DENND5B: variants seen among roughly 807,000 people sequenced by gnomAD.
DENND5B encodes DENN domain containing 5B, also known as DENN domain-containing protein 5B.
A neutral mutation model predicts 140.6 loss-of-function variants in DENND5B; 34 were observed. That is an observed-to-expected ratio of 0.24 (90% CI 0.18 to 0.32). The LOEUF (loss-of-function observed/expected upper bound fraction) is 0.32. Among genes scored for constraint, DENND5B ranks in the 10% least tolerant of loss-of-function variants. The pLI, the probability that DENND5B is intolerant of heterozygous loss-of-function variation, is 1.00. For missense variants in DENND5B, 1,142 were observed against 1,560.2 expected (o/e 0.73, Z 4.52); for synonymous variants, 551 against 562.1 (o/e 0.98, Z 0.28).
intron 2 of DENND5B, among the ~76,000 whole-genome samples, chr12:31,491,157 TTTGCAATGC>T (rs2138683519): frequency 6.6e-6 from 1 of 152,240 alleles, no homozygotes; most frequent in East Asian, 1.9e-4. Context: ...TTCAGCTCTG[TTTGCAATGC>T]TTTATTTCAT....
At chr12:31,436,669 G>C (rs1463321128) in intron 7 of DENND5B, among the ~76,000 whole-genome samples, 7 of 151,824 alleles carry the variant, frequency 4.6e-5, no homozygotes, top group African/African-American at 7.3e-5. Flanking sequence ...CAAGCAGCTG[G>C]GATTACAGGC....
chr12:31,409,205 AT>A, intron 14 of DENND5B, 57 bp downstream of exon 14: 1 of 1,477,332 alleles, frequency 6.8e-7, no homozygotes, highest in Non-Finnish European at 9.0e-7. Flanking sequence ...AAAAATATAA[AT>A]GCTTTTATTG....
chr12:31,400,037 G>C (rs1284239643), intron 15 of DENND5B, among the ~76,000 whole-genome samples: 1 of 152,252 alleles, frequency 6.6e-6, no homozygotes, highest in African/African-American at 2.4e-5. Context: ...AAAAGTGCTA[G>C]AAGAACGCTG....
intron 1 of DENND5B, among the ~76,000 whole-genome samples, chr12:31,545,394 C>T (rs1159220597): frequency 1.3e-5 from 2 of 152,078 alleles, no homozygotes; most frequent in South Asian, 2.1e-4. Flanking sequence ...TTCCTTTCTC[C>T]TCCATCTAAT....
chr12:31,427,131 T>C (rs921568608), intron 8 of DENND5B, among the ~76,000 whole-genome samples: 9 of 152,152 alleles, frequency 5.9e-5, no homozygotes, highest in African/African-American at 1.9e-4. Context: ...CCTTGCCTTG[T>C]TCTATAATCA....
intron 3 of DENND5B, among the ~76,000 whole-genome samples, chr12:31,468,046 G>A (rs1426710220): frequency 2.0e-5 from 3 of 152,062 alleles, no homozygotes; most frequent in African/African-American, 4.8e-5. Context: ...TTGAGCCCAG[G>A]AGTTCAAGAC....
intron 17 of DENND5B, among the ~76,000 whole-genome samples, chr12:31,394,436 T>C (rs1235141996): frequency 6.6e-6 from 1 of 152,178 alleles, no homozygotes; most frequent in African/African-American, 2.4e-5. Context: ...TCAGATGTTA[T>C]AATAATTAGG....
intron 1 of DENND5B, among the ~76,000 whole-genome samples, chr12:31,574,083 G>T (rs1257294562): frequency 6.6e-6 from 1 of 150,976 alleles, no homozygotes; most frequent in African/African-American, 2.4e-5. Flanking sequence ...AACACGGTGA[G>T]ATCTTGTCTC....
chr12:31,533,888 T>G (rs1948386813), intron 1 of DENND5B, among the ~76,000 whole-genome samples: 1 of 132,428 alleles, frequency 7.6e-6, no homozygotes, highest in South Asian at 2.2e-4. Flanking sequence ...CTTTTTAGTG[T>G]TTTTTTTTTT....
intron 11 of DENND5B, chr12:31,420,185 G>T: frequency 1.9e-6 from 1 of 538,066 alleles, no homozygotes; most frequent in Non-Finnish European, 2.4e-6. Flanking sequence ...AGAGTGCAGT[G>T]GTGGGATCAC....
chr12:31,476,072 G>A (rs1324777113), intron 3 of DENND5B, among the ~76,000 whole-genome samples: 1 of 151,918 alleles, frequency 6.6e-6, no homozygotes, highest in Admixed American at 6.6e-5. Context: ...GTTGCAATAT[G>A]CTGAGATTGC....
intron 1 of DENND5B, among the ~76,000 whole-genome samples, chr12:31,506,151 A>G (rs913452882): frequency 6.6e-6 from 1 of 152,194 alleles, no homozygotes; most frequent in Admixed American, 6.5e-5. Flanking sequence ...AGATTTTAGT[A>G]AGAGTACATC....
At chr12:31,488,320 T>G (rs369459246) in intron 2 of DENND5B, among the ~76,000 whole-genome samples, 4 of 152,090 alleles carry the variant, frequency 2.6e-5, no homozygotes, top group Admixed American at 1.3e-4. Context: ...TACAGAAACA[T>G]AGTGACCACC....
intron 2 of DENND5B, among the ~76,000 whole-genome samples, chr12:31,494,789 A>G (rs894313448): frequency 1.4e-4 from 21 of 152,212 alleles, no homozygotes; most frequent in Admixed American, 1.2e-3. Context: ...CTTCATTTAC[A>G]TAGAGTGTAC....
chr12:31,439,335 A>G (rs1043751171), intron 7 of DENND5B, among the ~76,000 whole-genome samples: 1 of 152,234 alleles, frequency 6.6e-6, no homozygotes, highest in Admixed American at 6.5e-5. Context: ...ATGGGAAACC[A>G]TAAGATTATA....
chr12:31,554,033 T>C (rs1458203069), intron 1 of DENND5B, among the ~76,000 whole-genome samples: 1 of 152,178 alleles, frequency 6.6e-6, no homozygotes, highest in Non-Finnish European at 1.5e-5. Context: ...CCAGTCTGTG[T>C]CTTTTAATTG....
At chr12:31,518,518 T>G (rs77032768) in intron 1 of DENND5B, among the ~76,000 whole-genome samples, 1,754 of 152,040 alleles carry the variant, frequency 0.012, 24 homozygotes, top group African/African-American at 0.04. Flanking sequence ...TCAATAAAAA[T>G]GGGCCAACAG....
intron 1 of DENND5B, among the ~76,000 whole-genome samples, chr12:31,517,069 T>A (rs185802845): frequency 3.8e-4 from 58 of 152,246 alleles, no homozygotes; most frequent in African/African-American, 1.4e-3. Context: ...CACAACTTTT[T>A]AAAACAGAAA....
chr12:31,572,348 A>T (rs1833530798), intron 1 of DENND5B, among the ~76,000 whole-genome samples: 1 of 152,314 alleles, frequency 6.6e-6, no homozygotes, highest in Admixed American at 6.5e-5. Flanking sequence ...CCAAAGTCCT[A>T]CAGCTTCATT....
Sources: allele counts gnomAD v4.1 joint callset (sites outside exome capture counted in the v4.1 genomes callset), GRCh38; gene constraint gnomAD v4.1.1; transcripts MANE v1.5; gene names NCBI Gene and HGNC (gene_info 2026-07-23, HGNC 2026-07-21).